Variants in CDH18 observed in about 807,000 individuals in gnomAD.
CDH18 encodes cadherin 18.
In CDH18, 31 loss-of-function variants were observed where a neutral mutation model predicts 67.9. The observed-to-expected ratio is 0.46, with a 90% CI of 0.34 to 0.62. CDH18 has a LOEUF of 0.62. Ranked by LOEUF, CDH18 falls within the 20% of genes least tolerant of loss-of-function variation. CDH18 has a pLI of 0.01. For missense variants in CDH18, 890 were observed against 975.5 expected, an observed-to-expected ratio of 0.91 and a Z score of 1.17; for synonymous variants, 362 against 347.2, an observed-to-expected ratio of 1.04 and a Z score of -0.48.
At chr5:19,738,541 A>T (rs1368236145) in intron 4 of CDH18, among the ~76,000 whole-genome samples, 2 of 152,200 alleles carry the variant, frequency 1.3e-5, no homozygotes, top group Admixed American at 6.6e-5. Context: ...TTCTTTGGCT[A>T]TCATATTTTT....
At chr5:19,817,353 A>G (rs1178771945) in intron 3 of CDH18, among the ~76,000 whole-genome samples, 1 of 151,970 alleles carries the variant, frequency 6.6e-6, no homozygotes, top group Non-Finnish European at 1.5e-5. Context: ...TTGAATCGGA[A>G]TCTCACTTAC....
chr5:19,796,984 A>G (rs62355761), intron 3 of CDH18, among the ~76,000 whole-genome samples: 9,421 of 151,998 alleles, frequency 0.062, 336 homozygotes, highest in Non-Finnish European at 0.081. Context: ...AAAAGAAACA[A>G]AGAAATGAGA....
chr5:20,271,418 G>C (rs1334251013), intron 1 of CDH18, among the ~76,000 whole-genome samples: 2 of 152,050 alleles, frequency 1.3e-5, no homozygotes, highest in Non-Finnish European at 2.9e-5. Context: ...ATCTAGAAGA[G>C]AGCATTTTTA....
chr5:20,132,401 T>G (rs1401338846), intron 2 of CDH18, among the ~76,000 whole-genome samples: 1 of 152,162 alleles, frequency 6.6e-6, no homozygotes, highest in Non-Finnish European at 1.5e-5. Flanking sequence ...TCATATATTT[T>G]ATTAATAGGG....
At chr5:19,695,937 C>T (rs138643314) in intron 5 of CDH18, among the ~76,000 whole-genome samples, 18 of 152,242 alleles carry the variant, frequency 1.2e-4, no homozygotes, top group African/African-American at 4.1e-4. Flanking sequence ...ATCTATTTTG[C>T]TGGTAACAAT....
At chr5:19,755,481 A>G (rs1771471105) in intron 3 of CDH18, among the ~76,000 whole-genome samples, 1 of 126,128 alleles carries the variant, frequency 7.9e-6, no homozygotes, top group African/African-American at 2.7e-5. Context: ...ACACATACAT[A>G]GATATATACA....
At chr5:20,259,621 T>C (rs1338164029) in intron 1 of CDH18, among the ~76,000 whole-genome samples, 2 of 152,194 alleles carry the variant, frequency 1.3e-5, no homozygotes, top group African/African-American at 4.8e-5. Context: ...ATTTAATACA[T>C]AGAACATACA....
In CDH18 at chr5:20,186,048, G is replaced by A. The variant is rs1228615841; in HGVS notation, c.-518+69396C>T. On this transcript the variant is annotated intron_variant, in intron 2 of 14. Transcript: ENST00000507958. ...AACAGAAAGGAATGAAGACTCATCTGTTGAATTCTTGCACTGATAAATGGT... is the reference window on the plus strand; with the variant it reads ...AACAGAAAGGAATGAAGACTCATCTATTGAATTCTTGCACTGATAAATGGT... Among the ~76,000 whole-genome samples, 3 of 152,106 alleles carry A rather than the reference G, an allele frequency of 2.0e-5. No individual in the cohort carries two copies. The East Asian group carries it at 5.8e-4, about 29-fold the overall frequency.
At chr5:19,678,763 T>C (rs1428005429) in intron 5 of CDH18, among the ~76,000 whole-genome samples, 1 of 151,840 alleles carries the variant, frequency 6.6e-6, no homozygotes, top group African/African-American at 2.4e-5. Flanking sequence ...AGAAATTAAA[T>C]CCCTGACCAG....
intron 5 of CDH18, among the ~76,000 whole-genome samples, chr5:19,627,333 C>G (rs930309833): frequency 6.6e-6 from 1 of 152,108 alleles, no homozygotes. Context: ...GAAATTGAGA[C>G]GAACATCATT....
At chr5:19,866,377 G>C (rs1487834844) in intron 2 of CDH18, among the ~76,000 whole-genome samples, 3 of 143,974 alleles carry the variant, frequency 2.1e-5, no homozygotes, top group African/African-American at 8.9e-5. Context: ...CAATGCAGAA[G>C]AAAGGCAGTC....
chr5:20,196,416 T>C (rs1314709424), intron 2 of CDH18, among the ~76,000 whole-genome samples: 2 of 152,188 alleles, frequency 1.3e-5, no homozygotes, highest in Admixed American at 1.3e-4. Flanking sequence ...ACGGCTAATA[T>C]GTGAGGGATC....
chr5:19,865,374 T>C (rs1432116055), intron 2 of CDH18, among the ~76,000 whole-genome samples: 1 of 152,114 alleles, frequency 6.6e-6, no homozygotes, highest in Non-Finnish European at 1.5e-5. Context: ...ACAAAAAATA[T>C]AGTTTTGTTA....
chr5:19,971,609 C>G (rs13178424), intron 2 of CDH18, among the ~76,000 whole-genome samples: 85,482 of 151,740 alleles, frequency 0.56, 24,223 homozygotes, highest in Middle Eastern at 0.7. Context: ...GCCAAATACT[C>G]CATGTTCTCA....
intron 3 of CDH18, among the ~76,000 whole-genome samples, chr5:19,747,531 C>A (rs899589254): frequency 2.0e-5 from 3 of 151,950 alleles, no homozygotes; most frequent in African/African-American, 4.8e-5. Flanking sequence ...AATCCACATT[C>A]CACTAACTGC....
Position 20,431,270 on chromosome 5 carries a change from C to T in CDH18, c.-580+144192G>A, listed in dbSNP as rs141790580. Among the ~76,000 whole-genome samples the T allele has an allele frequency of 7.1e-3, 1,075 of 152,024 alleles. 8 individuals are homozygous for T. The highest frequency in any genetic ancestry group is 0.024 in the African/African-American group (1,016 of 41,484). The stretch of plus-strand genomic sequence containing the variant: ...CTTTGGGAGGCCATGATGTGCAGAT[C>T]ACTTGAGGTCAGGAGTTTGAGACCA... On this transcript the variant is annotated intron_variant, in intron 1 of 14. Transcript: ENST00000507958.
intron 1 of CDH18, among the ~76,000 whole-genome samples, chr5:20,300,872 T>C (rs1367788694): frequency 6.6e-6 from 1 of 152,212 alleles, no homozygotes; most frequent in African/African-American, 2.4e-5. Context: ...CTCACCTGTA[T>C]AGCCACAGAA....
chr5:20,195,252 T>A (rs948567946), intron 2 of CDH18, among the ~76,000 whole-genome samples: 1 of 152,066 alleles, frequency 6.6e-6, no homozygotes, highest in African/African-American at 2.4e-5. Context: ...TACTGTTATA[T>A]AAGATTTTGT....
chr5:19,642,773 T>G (rs1561528478), intron 5 of CDH18, among the ~76,000 whole-genome samples: 1 of 152,166 alleles, frequency 6.6e-6, no homozygotes, highest in East Asian at 1.9e-4. Flanking sequence ...GCAATAATTT[T>G]TTTGGATAAT....
Sources: gnomAD v4.1 joint callset for allele counts (sites outside exome capture counted in the v4.1 genomes callset) on GRCh38, gnomAD v4.1.1 for gene constraint, MANE v1.5 for transcripts, NCBI Gene and HGNC (gene_info 2026-07-23, HGNC 2026-07-21) for gene names.